The following CPLX4 variants were observed in gnomAD, a reference collection of about 807,000 sequenced individuals.
The protein encoded by CPLX4 is complexin-4.
CPLX4 carries 17 observed loss-of-function variants against 16.1 expected under a neutral mutation model. The ratio of observed to expected loss-of-function variants is 1.06; its 90% CI spans 0.72 to 1.59. CPLX4 has a LOEUF of 1.59. Ranked by LOEUF, CPLX4 falls within the 40% of genes most tolerant of loss-of-function variation. CPLX4 has a pLI of 0.00. For missense variants in CPLX4, 193 were observed against 192.9 expected (o/e 1.00, Z 0.00); for synonymous variants, 55 against 57.8 (o/e 0.95, Z 0.22).
intron 1 of CPLX4, among the ~76,000 whole-genome samples, chr18:59,313,740 C>T (rs973355942): frequency 1.3e-5 from 2 of 152,178 alleles, no homozygotes; most frequent in Non-Finnish European, 2.9e-5. Context: ...TGTCATTTTC[C>T]ACTAACCTTG....
rs56041362 is a variant in CPLX4 at position 59,310,947 on chromosome 18, C to CGTGTGTGT, written c.255+1730_255+1737dup. ...TCTGGACGATGCACACCCAGCCAATCGTGTGTGTGTGTGTGTGTGTGTGTG... is the reference window on the plus strand; with the variant it reads ...TCTGGACGATGCACACCCAGCCAATCGTGTGTGTGTGTGTGTGTGTGTGTGTGTGTGTG... On this transcript the variant is annotated intron_variant, in intron 2 of 2. Transcript: ENST00000299721. Among the ~76,000 whole-genome samples, 869 of 143,626 alleles carry CGTGTGTGT rather than the reference C, an allele frequency of 6.1e-3. 3 individuals carry two copies. Among genetic ancestry groups the CGTGTGTGT allele is most frequent in the South Asian group, 0.014 (57 of 4,174 alleles). The allele number at this position is 143,626 out of a possible 152,430, so 94.2% of individuals were successfully genotyped here.
intron 2 of CPLX4, among the ~76,000 whole-genome samples, chr18:59,303,292 T>A (rs2070554408): frequency 6.6e-6 from 1 of 152,160 alleles, no homozygotes; most frequent in African/African-American, 2.4e-5. Flanking sequence ...GTTTTCAGTT[T>A]GATTGAAAGT....
In CPLX4 at chr18:59,296,966, C is replaced by G. The variant is rs767642004; in HGVS notation, c.256-41G>C. ...ATAGAGATAGATAAATAACTCTAAACTACTAACTCACTAACTAAATAAATT... is the reference window on the plus strand; with the variant it reads ...ATAGAGATAGATAAATAACTCTAAAGTACTAACTCACTAACTAAATAAATT... On this transcript the variant is annotated intron_variant, in intron 2 of 2. Transcript: ENST00000299721. 70 of 1,577,744 alleles carry G rather than the reference C, an allele frequency of 4.4e-5. 2 individuals are homozygous for G. In the East Asian group the frequency reaches 1.4e-3, roughly 31 times the overall value.
At chr18:59,304,430 T>C (rs976186134) in intron 2 of CPLX4, among the ~76,000 whole-genome samples, 2 of 152,234 alleles carry the variant, frequency 1.3e-5, no homozygotes, top group Non-Finnish European at 2.9e-5. Context: ...GTTTTAATTA[T>C]AAAACAAGGA....
chr18:59,304,769 A>G (rs1290721631), intron 2 of CPLX4, among the ~76,000 whole-genome samples: 2 of 152,092 alleles, frequency 1.3e-5, no homozygotes, highest in Non-Finnish European at 2.9e-5. Context: ...ACGGGGTTTC[A>G]CCATGTTGGC....
At chr18:59,305,787 GGTGCAGCCCTCGAGGACAAT>G (rs1347559247) in intron 2 of CPLX4, among the ~76,000 whole-genome samples, 1 of 152,198 alleles carries the variant, frequency 6.6e-6, no homozygotes, top group Non-Finnish European at 1.5e-5. Flanking sequence ...GCAATGGCAA[GGTGCAGCCCTCGAGGACAAT>G]GTGCAGGCTC....
At position 59,296,558 on chromosome 18, in the gene CPLX4, C is replaced by T; in HGVS notation, c.*140G>A. On this transcript the variant is annotated 3_prime_UTR_variant, in exon 3 of 3. Coordinates refer to ENST00000299721, the MANE Select transcript of CPLX4 (RefSeq NM_181654.4). ...CTCTGCCAGGAATATTTAGAACAAC[C>T]AAATTATTGTCTGTCAATGGATCAT... The T allele has an allele frequency of 2.3e-6, 2 of 888,172 alleles. No homozygotes were observed. Among genetic ancestry groups the T allele is most frequent in the Admixed American group, 2.9e-5 (1 of 34,814 alleles). The allele number at this position is 888,172 out of a possible 1,614,324, so 55.0% of individuals were successfully genotyped here. A position where few individuals can be genotyped will look rare whatever the true frequency, so the allele number is the denominator to read the frequency against.
At chr18:59,297,893 C>T (rs2070512587) in intron 2 of CPLX4, among the ~76,000 whole-genome samples, 2 of 152,214 alleles carry the variant, frequency 1.3e-5, no homozygotes, top group African/African-American at 4.8e-5. Flanking sequence ...CCACCGTTAG[C>T]ACCTGGACTG....
intron 2 of CPLX4, among the ~76,000 whole-genome samples, chr18:59,312,272 A>G (rs1194417393): frequency 6.6e-6 from 1 of 151,946 alleles, no homozygotes; most frequent in African/African-American, 2.4e-5. Flanking sequence ...TATTAACTCC[A>G]GTTTTTTTTA....
At chr18:59,311,375 C>T (rs1378888926) in intron 2 of CPLX4, among the ~76,000 whole-genome samples, 2 of 152,114 alleles carry the variant, frequency 1.3e-5, no homozygotes, top group East Asian at 1.9e-4. Flanking sequence ...TCCTTGGGCA[C>T]CTTAGGGATC....
intron 1 of CPLX4, among the ~76,000 whole-genome samples, chr18:59,313,422 T>A (rs1430772918): frequency 1.3e-5 from 2 of 152,190 alleles, no homozygotes; most frequent in Non-Finnish European, 2.9e-5. Flanking sequence ...TCCTGCTGTG[T>A]GAATGATCTA....
intron 2 of CPLX4, among the ~76,000 whole-genome samples, chr18:59,307,282 T>G (rs2070583161): frequency 6.6e-6 from 1 of 152,112 alleles, no homozygotes; most frequent in South Asian, 2.1e-4. Context: ...CTTTTCCGGA[T>G]GTAAAAAAAT....
chr18:59,314,475 CAT>C lies in CPLX4; in HGVS notation c.168-1705_168-1704del, dbSNP rs145352655. Among the ~76,000 whole-genome samples the C allele has an allele frequency of 3.4e-3, 514 of 152,286 alleles. 3 individuals are homozygous for C. The highest frequency in any genetic ancestry group is 0.012 in the African/African-American group (494 of 41,558). ...ATATGCATGTCATTAACTAGCGTGA[CAT>C]GTTTGTTTATAGTTTCTCTTTTCTT... is the stretch of plus-strand genomic sequence containing the variant. On this transcript the variant is annotated intron_variant, in intron 1 of 2. Transcript: ENST00000299721.
intron 2 of CPLX4, among the ~76,000 whole-genome samples, chr18:59,308,372 C>A (rs1603391767): frequency 2.0e-5 from 3 of 152,046 alleles, no homozygotes; most frequent in East Asian, 3.9e-4. Context: ...GCGGAGACAG[C>A]GGAAACTCGG....
chr18:59,313,467 G>A (rs1477501531), intron 1 of CPLX4, among the ~76,000 whole-genome samples: 2 of 152,128 alleles, frequency 1.3e-5, no homozygotes, highest in African/African-American at 2.4e-5. Context: ...TGAAATGGAC[G>A]TTCTTGCTAA....
rs750368635 is a variant in CPLX4 at position 59,296,706 on chromosome 18, CG to C, written c.474del (p.Val159Ter). 6.3e-7 allele frequency: 1 copy of C among 1,586,152 alleles called. No homozygotes were observed. The highest frequency in any genetic ancestry group is 1.1e-5 in the South Asian group (1 of 90,374). ...EIKQTAEQKC[S>X]VM The stretch of plus-strand genomic sequence containing the variant: ...TCCACCCCTCCCACCCCTCACATCA[CG>C]GAACACTTCTGCTCCGCTGTCTGCT... On this transcript the variant is annotated frameshift_variant, in exon 3 of 3. Coordinates refer to ENST00000299721, the MANE Select transcript of CPLX4 (RefSeq NM_181654.4). LOFTEE classifies it high-confidence loss of function.
intron 2 of CPLX4, among the ~76,000 whole-genome samples, chr18:59,303,789 C>T (rs1344321833): frequency 6.6e-6 from 1 of 152,216 alleles, no homozygotes; most frequent in African/African-American, 2.4e-5. Context: ...TCCCCATGCT[C>T]CCTGTAGACA....
chr18:59,311,152 G>A (rs1401551838), intron 2 of CPLX4, among the ~76,000 whole-genome samples: 1 of 152,152 alleles, frequency 6.6e-6, no homozygotes, highest in South Asian at 2.1e-4. Context: ...GGGAGTTTCA[G>A]GAAATTCACC....
intron 2 of CPLX4, among the ~76,000 whole-genome samples, chr18:59,311,107 G>A (rs540716536): frequency 2.6e-5 from 4 of 152,178 alleles, no homozygotes; most frequent in African/African-American, 7.2e-5. Context: ...TGCCTAGGGC[G>A]AGACCACATT....
Sources: allele counts gnomAD v4.1 joint callset (sites outside exome capture counted in the v4.1 genomes callset), GRCh38; gene constraint gnomAD v4.1.1; transcripts MANE v1.5; gene names NCBI Gene and HGNC (gene_info 2026-07-23, HGNC 2026-07-21).